Variants in FBLN7 observed in about 807,000 individuals in gnomAD.
FBLN7 encodes the protein fibulin-7.
Under a neutral mutation model 44.0 loss-of-function variants are expected in FBLN7, and 31 were observed. The observed-to-expected ratio is 0.70, with a 90% CI of 0.53 to 0.95. FBLN7 has a LOEUF of 0.95. Ranked by LOEUF, FBLN7 falls within the 40% of genes least tolerant of loss-of-function variation. The probability of loss-of-function intolerance (pLI) is 0.00; values close to 1 mark genes in which losing one functional copy is unlikely to be tolerated. For synonymous variants in FBLN7, 262 were observed against 253.4 expected, an observed-to-expected ratio of 1.03 and a Z score of -0.32; for missense variants, 573 against 618.5, an observed-to-expected ratio of 0.93 and a Z score of 0.78.
At chr2:112,150,428 CAT>C (rs1681103527) in intron 1 of FBLN7, among the ~76,000 whole-genome samples, 1 of 152,158 alleles carries the variant, frequency 6.6e-6, no homozygotes, top group African/African-American at 2.4e-5. Flanking sequence ...AGTGTAAAAA[CAT>C]ACAAACATGT....
chr2:112,182,938 G>T lies in FBLN7; in HGVS notation c.808+10G>T, dbSNP rs781301058. 2.5e-6 allele frequency: 4 copies of T among 1,611,158 alleles called. No individual in the cohort carries two copies. The highest frequency in any genetic ancestry group is 2.2e-5 in the East Asian group (1 of 44,832). ...GGGAAGAGCTGTGAGGGTGAGTGAGGCTACAGAGTGTCGTCTGCACCCAGC... is the reference window on the plus strand; with the variant it reads ...GGGAAGAGCTGTGAGGGTGAGTGAGTCTACAGAGTGTCGTCTGCACCCAGC... On this transcript the variant is annotated intron_variant, in intron 6 of 7. Coordinates refer to ENST00000331203, the MANE Select transcript of FBLN7 (RefSeq NM_153214.3).
chr2:112,160,730 ACGCACACGCACACACGCGCACG>A, intron 2 of FBLN7, among the ~76,000 whole-genome samples: 1 of 98,476 alleles, frequency 1.0e-5, no homozygotes, highest in East Asian at 2.2e-4. Context: ...GCGCACACGC[ACGCACACGCACACACGCGCACG>A]CACACACGCA....
At chr2:112,222,542 T>C in the FBLN7 span, among the ~76,000 whole-genome samples, 1 of 152,182 alleles carries the variant, frequency 6.6e-6, no homozygotes. Context: ...GAAGGACAAA[T>C]ACTATATGAT....
the FBLN7 span, among the ~76,000 whole-genome samples, chr2:112,236,956 T>C: frequency 1.1e-4 from 16 of 152,144 alleles, no homozygotes; most frequent in Non-Finnish European, 2.1e-4. Flanking sequence ...TCTGGGACTA[T>C]AGGCTAAGGC....
downstream of FBLN7, among the ~76,000 whole-genome samples, chr2:112,192,509 T>A (rs1348548871): frequency 1.3e-5 from 2 of 152,230 alleles, no homozygotes; most frequent in Non-Finnish European, 2.9e-5. Flanking sequence ...CCTGGGCACT[T>A]GAGCAGTAGA....
chr2:112,170,751 A>G (rs895493067), intron 3 of FBLN7, among the ~76,000 whole-genome samples: 4 of 152,264 alleles, frequency 2.6e-5, no homozygotes, highest in East Asian at 1.9e-4. Context: ...TCTAAGCCCA[A>G]TAAACAGGGT....
chr2:112,159,072 G>A (rs570947804), intron 1 of FBLN7, among the ~76,000 whole-genome samples: 10 of 152,048 alleles, frequency 6.6e-5, no homozygotes, highest in African/African-American at 2.2e-4. Context: ...GCTGCTTTAA[G>A]TTAGGTAGCC....
chr2:112,161,698 C>T (rs967177503), intron 2 of FBLN7, among the ~76,000 whole-genome samples: 6 of 152,358 alleles, frequency 3.9e-5, no homozygotes, highest in South Asian at 2.1e-4. Flanking sequence ...GGGCCCTGCC[C>T]GCTAGACAGA....
Position 112,144,518 on chromosome 2 carries a change from C to G in FBLN7, c.75+5788C>G, listed in dbSNP as rs146544200. ...TTGCTTTTGTTTTTGTTTTTGTTTT[C>G]TTTTCTTTTTTTTTTTTTTTTTTTG... On this transcript the variant is annotated intron_variant, in intron 1 of 7. Coordinates refer to ENST00000331203, the MANE Select transcript of FBLN7 (RefSeq NM_153214.3). Among the ~76,000 whole-genome samples the G allele has an allele frequency of 8.3e-3, 1,143 of 136,998 alleles. 10 individuals carry two copies. The highest frequency in any genetic ancestry group is 0.03 in the African/African-American group (1,100 of 36,884). The allele number at this position is 136,998 out of a possible 152,430, so 89.9% of individuals were successfully genotyped here.
chr2:112,222,045 T>A, the FBLN7 span, among the ~76,000 whole-genome samples: 1 of 152,136 alleles, frequency 6.6e-6, no homozygotes, highest in African/African-American at 2.4e-5. Flanking sequence ...TTTTGCTTTT[T>A]TCTTCTTGAT....
the FBLN7 span, among the ~76,000 whole-genome samples, chr2:112,221,890 A>AC: frequency 6.6e-6 from 1 of 152,150 alleles, no homozygotes; most frequent in Non-Finnish European, 1.5e-5. Context: ...CTGGTTAATA[A>AC]CCATTGCTAG....
chr2:112,186,155 G>A (rs568919498), intron 7 of FBLN7, among the ~76,000 whole-genome samples: 16 of 152,136 alleles, frequency 1.1e-4, no homozygotes, highest in African/African-American at 3.4e-4. Flanking sequence ...GATAGGGAAC[G>A]GGTCTATGAC....
At chr2:112,181,033 T>C (rs1682967069) in intron 4 of FBLN7, among the ~76,000 whole-genome samples, 1 of 151,704 alleles carries the variant, frequency 6.6e-6, no homozygotes, top group African/African-American at 2.4e-5. Context: ...ATGTCTTTTG[T>C]GGAAACATGG....
Position 112,187,087 on chromosome 2 carries a change from T to C in FBLN7, c.948-47T>C, listed in dbSNP as rs1157707745. 3 of 1,591,286 alleles carry C rather than the reference T, an allele frequency of 1.9e-6. No individual in the cohort carries two copies. Among genetic ancestry groups the C allele is most frequent in the Admixed American group, 1.7e-5 (1 of 58,990 alleles). On this transcript the variant is annotated intron_variant, in intron 7 of 7. Transcript: ENST00000331203. The surrounding 1 kb of genome is among the most constrained non-coding windows in gnomAD (Gnocchi z 5.1). Reference sequence around the variant, plus strand: ...GCAGCCGGGTCAGAGCAGCTCTTCATGAGACTCCCCAAGGCTGACTGCCTC... The same window carrying C: ...GCAGCCGGGTCAGAGCAGCTCTTCACGAGACTCCCCAAGGCTGACTGCCTC...
chr2:112,223,178 A>G, the FBLN7 span, among the ~76,000 whole-genome samples: 1 of 152,292 alleles, frequency 6.6e-6, no homozygotes, highest in Admixed American at 6.5e-5. Flanking sequence ...TAACAGGTGC[A>G]GCACACCAAC....
chr2:112,193,577 G>A, the FBLN7 span, among the ~76,000 whole-genome samples: 5 of 152,300 alleles, frequency 3.3e-5, no homozygotes, highest in African/African-American at 7.2e-5. Context: ...GTTTTAAAAC[G>A]TATGTTATTT....
chr2:112,239,395 A>T, the FBLN7 span, among the ~76,000 whole-genome samples: 1 of 152,198 alleles, frequency 6.6e-6, no homozygotes, highest in Non-Finnish European at 1.5e-5. Context: ...TTCTGATGTC[A>T]CGAAGAAATG....
At chr2:112,144,008 T>C (rs915887667) in intron 1 of FBLN7, among the ~76,000 whole-genome samples, 2 of 152,254 alleles carry the variant, frequency 1.3e-5, no homozygotes, top group African/African-American at 4.8e-5. Context: ...GAGATAACTT[T>C]GTCACAAAAT....
chr2:112,157,896 T>TAAAGGCAGTTGAGATTGGAAA, intron 1 of FBLN7, among the ~76,000 whole-genome samples: 1 of 151,202 alleles, frequency 6.6e-6, no homozygotes, highest in South Asian at 2.1e-4. Context: ...TCCTGGTTCT[T>TAAAGGCAGTTGAGATTGGAAA]TGGTTCTTTT....
Sources: allele counts gnomAD v4.1 joint callset (sites outside exome capture counted in the v4.1 genomes callset), GRCh38; gene constraint gnomAD v4.1.1; non-coding constraint Gnocchi (gnomAD v3.1); transcripts MANE v1.5; gene names NCBI Gene and HGNC (gene_info 2026-07-23, HGNC 2026-07-21).